MINDY4: variants seen among roughly 807,000 people sequenced by gnomAD.
MINDY4 encodes MINDY lysine 48 deubiquitinase 4, also known as probable ubiquitin carboxyl-terminal hydrolase MINDY-4.
A neutral mutation model predicts 87.0 loss-of-function variants in MINDY4; 68 were observed. The ratio of observed to expected loss-of-function variants is 0.78; its 90% CI spans 0.64 to 0.96. MINDY4 has a LOEUF of 0.96. MINDY4 is among the 40% of genes least tolerant of loss of function. The pLI is 0.00. For synonymous variants in MINDY4, 379 were observed against 363.2 expected, an observed-to-expected ratio of 1.04 and a Z score of -0.50; for missense variants, 919 against 928.2, an observed-to-expected ratio of 0.99 and a Z score of 0.13.
chr7:30,886,507 T>C (rs1417283153), intron 17 of MINDY4, among the ~76,000 whole-genome samples: 3 of 152,196 alleles, frequency 2.0e-5, no homozygotes, highest in Non-Finnish European at 4.4e-5. Flanking sequence ...TTATCACCTC[T>C]TCTTTTACAG....
intron 15 of MINDY4, 48 bp from the exon 16 acceptor site, chr7:30,882,133 C>A: frequency 6.5e-7 from 1 of 1,542,462 alleles, no homozygotes; most frequent in South Asian, 1.2e-5. Context: ...ATGCCCGGAC[C>A]CCTTTCCCTG....
chr7:30,840,861 T>C lies in MINDY4; in HGVS notation c.1445+13T>C, dbSNP rs2128567405. On this transcript the variant is annotated intron_variant, in intron 9 of 17. Transcript: ENST00000265299. ...CCGACTGTGCTCAGTAAGTCAGTGC[T>C]CTTTCTGGCAATATCTTATTTTCCC... 1 of 1,608,410 alleles carries C rather than the reference T, an allele frequency of 6.2e-7. No homozygotes were observed. Among genetic ancestry groups the C allele is most frequent in the Non-Finnish European group, 8.5e-7 (1 of 1,176,332 alleles).
At chr7:30,853,150 C>G (rs938475179) in intron 11 of MINDY4, among the ~76,000 whole-genome samples, 1 of 152,240 alleles carries the variant, frequency 6.6e-6, no homozygotes, top group Non-Finnish European at 1.5e-5. Context: ...ATTCTGGGGT[C>G]TCAGGCCCAG....
intron 9 of MINDY4, among the ~76,000 whole-genome samples, chr7:30,846,274 A>T (rs187799171): frequency 6.6e-6 from 1 of 152,352 alleles, no homozygotes; most frequent in East Asian, 1.9e-4. Context: ...ACATGGCTCC[A>T]TGGGCACGTC....
chr7:30,859,181 GGC>G (rs1789673462), intron 12 of MINDY4, 74 bp from the exon 13 acceptor site: 1 of 1,419,952 alleles, frequency 7.0e-7, no homozygotes, highest in African/African-American at 1.4e-5. Context: ...CCTGGGGTGT[GGC>G]TCCCACAGAG....
chr7:30,818,112 G>A (rs1394450747), intron 5 of MINDY4, among the ~76,000 whole-genome samples: 3 of 151,938 alleles, frequency 2.0e-5, no homozygotes, highest in African/African-American at 7.3e-5. Flanking sequence ...CTTCCCTTGA[G>A]CATGCTAAGA....
intron 9 of MINDY4, among the ~76,000 whole-genome samples, chr7:30,842,880 G>A (rs893659049): frequency 6.6e-6 from 1 of 152,142 alleles, no homozygotes; most frequent in African/African-American, 2.4e-5. Context: ...GTGCTCAGGC[G>A]CTGTGCCTGC....
intron 17 of MINDY4, among the ~76,000 whole-genome samples, chr7:30,884,946 C>G (rs1790584604): frequency 6.6e-6 from 1 of 152,204 alleles, no homozygotes; most frequent in Admixed American, 6.5e-5. Context: ...TCCCCTGCCC[C>G]TTGTTCACTT....
chr7:30,828,784 G>T (rs1221508973), intron 6 of MINDY4, 47 bp downstream of exon 6: 2 of 1,594,388 alleles, frequency 1.3e-6, no homozygotes, highest in South Asian at 2.2e-5. Flanking sequence ...GGGCCCAAGG[G>T]GTCCTCGTTG....
At chr7:30,790,005 G>C (rs538544072) in intron 4 of MINDY4, among the ~76,000 whole-genome samples, 80 of 152,328 alleles carry the variant, frequency 5.3e-4, no homozygotes, top group Non-Finnish European at 1.0e-3. Context: ...AATTAAGAAT[G>C]ACCTCTGCCA....
At chr7:30,809,076 C>T (rs1787904519) in intron 5 of MINDY4, among the ~76,000 whole-genome samples, 1 of 151,844 alleles carries the variant, frequency 6.6e-6, no homozygotes. Context: ...AAACAGTGTA[C>T]CCTATTCCTT....
chr7:30,811,190 G>A (rs143686395), intron 5 of MINDY4, among the ~76,000 whole-genome samples: 10 of 151,446 alleles, frequency 6.6e-5, no homozygotes, highest in Non-Finnish European at 8.8e-5. Context: ...CCAAGTCAAC[G>A]TGTTAACAGT....
At chr7:30,812,968 C>G (rs527469151) in intron 5 of MINDY4, among the ~76,000 whole-genome samples, 1 of 152,366 alleles carries the variant, frequency 6.6e-6, no homozygotes, top group South Asian at 2.1e-4. Flanking sequence ...TTGGTCAGCG[C>G]TCTTCCTGGC....
At chr7:30,773,201 C>A (rs1418627413) in intron 1 of MINDY4, among the ~76,000 whole-genome samples, 1 of 152,240 alleles carries the variant, frequency 6.6e-6, no homozygotes, top group Non-Finnish European at 1.5e-5. Context: ...CACAGGCAGT[C>A]ATTGCACCCA....
chr7:30,778,695 A>T, intron 2 of MINDY4, 144 bp downstream of exon 2: 1 of 937,312 alleles, frequency 1.1e-6, no homozygotes, highest in East Asian at 2.4e-5. Context: ...GGACCCCCCA[A>T]ATGTGGACAG....
intron 5 of MINDY4, among the ~76,000 whole-genome samples, chr7:30,823,315 T>A (rs1415688429): frequency 6.6e-6 from 1 of 152,246 alleles, no homozygotes; most frequent in African/African-American, 2.4e-5. Context: ...CATCTACTGA[T>A]GACCCTTTCC....
At chr7:30,884,820 G>A (rs990723188) in intron 17 of MINDY4, among the ~76,000 whole-genome samples, 1 of 152,226 alleles carries the variant, frequency 6.6e-6, no homozygotes, top group African/African-American at 2.4e-5. Context: ...AGATCGACCT[G>A]GGGCCTTGGT....
intron 6 of MINDY4, among the ~76,000 whole-genome samples, chr7:30,830,819 A>T (rs1443156807): frequency 6.6e-6 from 1 of 152,204 alleles, no homozygotes; most frequent in East Asian, 1.9e-4. Context: ...GGTCTTGTCA[A>T]ATAGCGATGT....
chr7:30,852,328 A>G (rs754582983), intron 11 of MINDY4, 49 bp downstream of exon 11: 4 of 1,613,366 alleles, frequency 2.5e-6, no homozygotes, highest in Admixed American at 1.7e-5. Context: ...TTGTTTGGGG[A>G]CTGTCTCCTT....
Sources: allele counts gnomAD v4.1 joint callset (sites outside exome capture counted in the v4.1 genomes callset), GRCh38; gene constraint gnomAD v4.1.1; transcripts MANE v1.5; gene names NCBI Gene and HGNC (gene_info 2026-07-23, HGNC 2026-07-21).